The following ZFYVE1 variants were observed in gnomAD, a reference collection of about 807,000 sequenced individuals.
The protein encoded by ZFYVE1 is zinc finger FYVE-type containing 1.
Under a neutral mutation model 74.4 loss-of-function variants are expected in ZFYVE1, and 30 were observed. The observed-to-expected ratio is 0.40, with a 90% CI of 0.30 to 0.55. The LOEUF (loss-of-function observed/expected upper bound fraction) is 0.55. Ranked by LOEUF, ZFYVE1 falls within the 20% of genes least tolerant of loss-of-function variation. The pLI is 0.42. For missense variants in ZFYVE1, 703 were observed against 1,011.6 expected (o/e 0.69, Z 4.14); for synonymous variants, 335 against 385.1 (o/e 0.87, Z 1.52).
intron 10 of ZFYVE1, 76 bp downstream of exon 10, chr14:72,974,703 T>C: frequency 6.6e-7 from 1 of 1,508,610 alleles, no homozygotes; most frequent in South Asian, 1.3e-5. Context: ...GGCATCTGGA[T>C]ATCCAGTTCT....
At chr14:72,980,533 A>AT (rs1276945269) in intron 5 of ZFYVE1, among the ~76,000 whole-genome samples, 2,420 of 106,426 alleles carry the variant, frequency 0.023, 50 homozygotes, top group African/African-American at 0.055. Context: ...CTGAGAATTA[A>AT]TTAATTTATT....
chr14:73,016,379 C>T (rs1352682691), intron 2 of ZFYVE1, among the ~76,000 whole-genome samples: 2 of 152,230 alleles, frequency 1.3e-5, no homozygotes, highest in East Asian at 1.9e-4. Flanking sequence ...GGCGTGGTGG[C>T]GGGCGCCTAT....
rs1294479883 is a variant in ZFYVE1, at chr14:72,969,589, C to T, written c.*1293G>A. Reference sequence around the variant, plus strand: ...CCAGGGCTCATGTCACACCGATAGGCGCACCAGGAATGACCGCCATATACT... The same window carrying T: ...CCAGGGCTCATGTCACACCGATAGGTGCACCAGGAATGACCGCCATATACT... On this transcript the variant is annotated 3_prime_UTR_variant, in exon 12 of 12. Transcript: ENST00000556143. The T allele has an allele frequency of 4.6e-6, 3 of 649,610 alleles. No homozygotes were observed. The highest frequency in any genetic ancestry group is 2.3e-5 in the Admixed American group (1 of 42,694). 40.2% of individuals were successfully genotyped at this position (649,610 alleles called of 1,614,324 possible). A position where few individuals can be genotyped will look rare whatever the true frequency, so the allele number is the denominator to read the frequency against.
chr14:73,006,016 G>A (rs930034705), intron 2 of ZFYVE1, among the ~76,000 whole-genome samples: 9 of 151,888 alleles, frequency 5.9e-5, no homozygotes, highest in South Asian at 2.1e-4. Context: ...CCGCCTCCCC[G>A]GTTCAGGCCA....
chr14:72,980,553 AT>A (rs1893298948), intron 5 of ZFYVE1, among the ~76,000 whole-genome samples: 1 of 135,556 alleles, frequency 7.4e-6, no homozygotes, highest in African/African-American at 2.5e-5. Context: ...TTATTTATTT[AT>A]TTATTTATTT....
At chr14:72,997,066 C>T (rs1567355115) in intron 3 of ZFYVE1, among the ~76,000 whole-genome samples, 2 of 152,248 alleles carry the variant, frequency 1.3e-5, no homozygotes, top group South Asian at 2.1e-4. Context: ...TTCTTATCTG[C>T]GACCGTGTCC....
chr14:73,009,419 A>T (rs993980315), intron 2 of ZFYVE1, among the ~76,000 whole-genome samples: 1 of 152,200 alleles, frequency 6.6e-6, no homozygotes, highest in East Asian at 1.9e-4. Context: ...CCCAAGCCAG[A>T]GTCATCACCA....
intron 5 of ZFYVE1, among the ~76,000 whole-genome samples, chr14:72,980,607 G>A (rs893609336): frequency 1.3e-5 from 2 of 150,906 alleles, no homozygotes; most frequent in Non-Finnish European, 2.9e-5. Flanking sequence ...TCACTCTGTC[G>A]CCCAGGCTGG....
At position 73,024,348 on chromosome 14, in the gene ZFYVE1, C is replaced by A. The variant is rs773624760; in HGVS notation, c.161G>T (p.Arg54Leu). ...TCTTATCCGCTCATGGTTTCTCAGG[C>A]GCTCCTGCCGATGGAGCTCCTCCTC... ...RCEEELHRQE[R>L]LRNHERIRLK... is the part of the protein sequence containing the mutation. Residue 54 changes from arginine to leucine, a missense_variant, in exon 2 of 12, where the codon CGC (arginine) becomes CTC (leucine). Arg to Leu is a moderately radical substitution (Grantham distance 102). Coordinates refer to ENST00000556143, the MANE Select transcript of ZFYVE1 (RefSeq NM_021260.4). 1 of 1,613,964 alleles carries A rather than the reference C, an allele frequency of 6.2e-7. No individual in the cohort carries two copies. Among genetic ancestry groups the A allele is most frequent in the African/African-American group, 1.3e-5 (1 of 74,914 alleles).
rs1892999988 is a variant in ZFYVE1 at position 72,970,389 on chromosome 14, T to A, written c.*493A>T. The A allele has an allele frequency of 5.9e-6, 1 of 170,704 alleles. No individual in the cohort carries two copies. The highest frequency in any genetic ancestry group is 1.3e-4 in the South Asian group (1 of 7,564). The allele number at this position is 170,704 out of a possible 1,614,324, so 10.6% of individuals were successfully genotyped here. ...TCACTCCCCAGGCAGCTGACAGGCA[T>A]GGAGGGAAGAGCCAAGGACAGGAGA... On this transcript the variant is annotated 3_prime_UTR_variant, in exon 12 of 12. Coordinates refer to ENST00000556143, the MANE Select transcript of ZFYVE1 (RefSeq NM_021260.4).
chr14:73,007,215 A>G (rs1893999419), intron 2 of ZFYVE1, among the ~76,000 whole-genome samples: 1 of 152,168 alleles, frequency 6.6e-6, no homozygotes, highest in Non-Finnish European at 1.5e-5. Flanking sequence ...GGAAGGAACT[A>G]AAGAGCCTTG....
chr14:72,998,958 T>C (rs1450280966), intron 2 of ZFYVE1, among the ~76,000 whole-genome samples: 1 of 151,190 alleles, frequency 6.6e-6, no homozygotes, highest in African/African-American at 2.4e-5. Flanking sequence ...TTTAAAAATA[T>C]TAAAAATTTT....
At chr14:72,985,281 A>G (rs1893444808) in intron 4 of ZFYVE1, among the ~76,000 whole-genome samples, 1 of 152,048 alleles carries the variant, frequency 6.6e-6, no homozygotes, top group Non-Finnish European at 1.5e-5. Flanking sequence ...TCAGCCTCCC[A>G]AGTAGCTGGG....
intron 4 of ZFYVE1, among the ~76,000 whole-genome samples, chr14:72,989,200 A>G (rs775059349): frequency 2.6e-5 from 4 of 152,214 alleles, no homozygotes; most frequent in Non-Finnish European, 5.9e-5. Context: ...TGCTGGGATT[A>G]CAGGCATGAG....
At chr14:72,996,105 T>A (rs1336717413) in intron 3 of ZFYVE1, among the ~76,000 whole-genome samples, 4 of 151,904 alleles carry the variant, frequency 2.6e-5, no homozygotes, top group Admixed American at 1.3e-4. Context: ...AACATGGCAG[T>A]CGGGGTGGCA....
intron 11 of ZFYVE1, among the ~76,000 whole-genome samples, chr14:72,971,716 G>A (rs1008130088): frequency 8.5e-5 from 13 of 152,056 alleles, no homozygotes; most frequent in African/African-American, 2.2e-4. Flanking sequence ...GGAGCCTCCT[G>A]CCTGAGTCTC....
intron 2 of ZFYVE1, among the ~76,000 whole-genome samples, chr14:73,020,676 C>CT (rs1215265592): frequency 2.0e-5 from 3 of 152,024 alleles, no homozygotes; most frequent in African/African-American, 4.8e-5. Context: ...ATGGTGACTG[C>CT]TTTAAGAAAA....
chr14:73,018,256 C>A lies in ZFYVE1; in HGVS notation c.483+5770G>T, dbSNP rs948135413. Among the ~76,000 whole-genome samples, 4 of 151,802 alleles carry A rather than the reference C, an allele frequency of 2.6e-5. No individual in the cohort carries two copies. In the South Asian group the frequency reaches 8.3e-4, roughly 32 times the overall value. The stretch of plus-strand genomic sequence containing the variant: ...GACTAGCCTGGCCAACATAGTAAAA[C>A]CCCATCTCTACTAAAAATACAAAGA... On this transcript the variant is annotated intron_variant, in intron 2 of 11. Coordinates refer to ENST00000556143, the MANE Select transcript of ZFYVE1 (RefSeq NM_021260.4).
intron 8 of ZFYVE1, among the ~76,000 whole-genome samples, chr14:72,977,581 G>GA (rs34395208): frequency 1.9e-3 from 288 of 151,724 alleles, no homozygotes; most frequent in Middle Eastern, 0.014. Flanking sequence ...GCATTGTGAG[G>GA]AAAAAAAGCA....
Sources: allele counts gnomAD v4.1 joint callset (sites outside exome capture counted in the v4.1 genomes callset), GRCh38; gene constraint gnomAD v4.1.1; transcripts MANE v1.5; gene names NCBI Gene and HGNC (gene_info 2026-07-23, HGNC 2026-07-21).